Variants in KLHL33 observed in about 807,000 individuals in gnomAD.
The protein encoded by KLHL33 is kelch like family member 33.
Under a neutral mutation model 60.8 loss-of-function variants are expected in KLHL33, and 46 were observed. The observed-to-expected ratio is 0.76, with a 90% CI of 0.60 to 0.97. KLHL33 has a LOEUF of 0.97. KLHL33 is among the 50% of genes least tolerant of loss of function. The pLI is 0.00. For synonymous variants in KLHL33, 434 were observed against 432.2 expected, an observed-to-expected ratio of 1.00 and a Z score of -0.05; for missense variants, 1,055 against 1,000.0, an observed-to-expected ratio of 1.05 and a Z score of -0.74.
intron 2 of KLHL33, among the ~76,000 whole-genome samples, chr14:20,432,306 T>C (rs1880531908): frequency 6.6e-6 from 1 of 151,894 alleles, no homozygotes. Flanking sequence ...GTAGAGACGG[T>C]TTCGCCATGT....
At chr14:20,435,876 CA>C in intron 1 of KLHL33, 46 bp from the exon 2 acceptor site, 1 of 1,218,680 alleles carries the variant, frequency 8.2e-7, no homozygotes. Flanking sequence ...GAGCTGGGCC[CA>C]AAGAGGCCAG....
chr14:20,431,509 C>G (rs1880509501), intron 2 of KLHL33, among the ~76,000 whole-genome samples: 1 of 152,102 alleles, frequency 6.6e-6, no homozygotes, highest in African/African-American at 2.4e-5. Context: ...GGTAGGATCA[C>G]TTGAGGTCAG....
In KLHL33 at chr14:20,430,298, ATCACTATCCAGGAGC is replaced by A. The variant is rs1207247207; in HGVS notation, c.1155_1169del (p.Glu385_Ser389del). 6.5e-7 allele frequency: 1 copy of A among 1,549,306 alleles called. No individual in the cohort carries two copies. Among genetic ancestry groups the A allele is most frequent in the Non-Finnish European group, 8.7e-7 (1 of 1,144,768 alleles). On this transcript the variant is annotated inframe_deletion, in exon 3 of 5. Coordinates refer to ENST00000636854, the MANE Select transcript of KLHL33 (RefSeq NM_001365790.2). Reference sequence around the variant, plus strand: ...CAAACTCCTCCTGCACATGGAGCTCATCACTATCCAGGAGCTCAGCCAAGCAGGCAGCTGGTAAAG... The same window carrying A: ...CAAACTCCTCCTGCACATGGAGCTCATCAGCCAAGCAGGCAGCTGGTAAAG...
chr14:20,429,448 C>T (rs913562390), intron 4 of KLHL33, 47 bp from the exon 5 acceptor site: 1 of 1,549,976 alleles, frequency 6.5e-7, no homozygotes, highest in South Asian at 1.2e-5. Flanking sequence ...ATCTTCAACT[C>T]TCCTTCTATT....
chr14:20,435,638 C>T lies in KLHL33; in HGVS notation c.174G>A (p.Arg58=). Residue 58 remains arginine, a synonymous_variant, in exon 2 of 5, where the codon AGG becomes AGA. Coordinates refer to ENST00000636854, the MANE Select transcript of KLHL33 (RefSeq NM_001365790.2). The part of the protein sequence containing the change: ...PSFPLEEPGS[R]PLVPRNLPFP... Reference sequence around the variant, plus strand: ...AGGGAAGGTTCCTTGGGACCAGGGGCCTGGAACCAGGCTCCTCCAGAGGAA... The same window carrying T: ...AGGGAAGGTTCCTTGGGACCAGGGGTCTGGAACCAGGCTCCTCCAGAGGAA... 1.6e-6 allele frequency: 2 copies of T among 1,234,598 alleles called. No homozygotes were observed. Among genetic ancestry groups the T allele is most frequent in the Non-Finnish European group, 2.0e-6 (2 of 988,278 alleles). 76.5% of individuals were successfully genotyped at this position (1,234,598 alleles called of 1,614,324 possible). A position where few individuals can be genotyped will look rare whatever the true frequency, so the allele number is the denominator to read the frequency against.
intron 2 of KLHL33, among the ~76,000 whole-genome samples, chr14:20,431,466 C>T (rs1026372693): frequency 1.3e-5 from 2 of 149,292 alleles, no homozygotes; most frequent in African/African-American, 4.9e-5. Flanking sequence ...GTGGCACACA[C>T]CTGTAATCCC....
chr14:20,435,883 G>A (rs990847432), intron 1 of KLHL33, 53 bp from the exon 2 acceptor site: 14 of 1,200,590 alleles, frequency 1.2e-5, no homozygotes, highest in Middle Eastern at 3.1e-4. Context: ...GCCCAAAGAG[G>A]CCAGAGCAAC....
At position 20,430,498 on chromosome 14, in the gene KLHL33, C is replaced by G; in HGVS notation, c.970G>C (p.Asp324His). The part of the protein sequence containing the change: ...ALQYQSSSCL[D>H]LCQKGLARGL... The stretch of plus-strand genomic sequence containing the variant: ...CGTGCCAAGCCTTTCTGACACAAAT[C>G]CAAGCAGGAAGAGCTCTGGTACTGC... The change falls in exon 3 of 5, where the codon GAT (aspartate) becomes CAT (histidine). Residue 324 changes from aspartate to histidine, a missense_variant. Transcript: ENST00000636854. 1 of 1,549,898 alleles carries G rather than the reference C, an allele frequency of 6.5e-7. No homozygotes were observed. The highest frequency in any genetic ancestry group is 2.4e-5 in the East Asian group (1 of 40,920).
In KLHL33 at chr14:20,435,725, C is replaced by A; in HGVS notation, c.87G>T (p.Val29=). ...GCCAGGAAGGGGTTCTCTGGGCGTG[C>A]ACAAGGAGTCCAAGGCAGTCCCTCT... is the stretch of plus-strand genomic sequence containing the variant. ...PVQRDCLGLL[V]HAQRTPSWPP... is the part of the protein sequence containing the mutation. Residue 29 remains valine, a synonymous_variant, in exon 2 of 5, where the codon GTG becomes GTT. Coordinates refer to ENST00000636854, the MANE Select transcript of KLHL33 (RefSeq NM_001365790.2). 1 of 1,234,772 alleles carries A rather than the reference C, an allele frequency of 8.1e-7. No individual in the cohort carries two copies. 76.5% of individuals were successfully genotyped at this position (1,234,772 alleles called of 1,614,324 possible).
chr14:20,435,472 CCAG>C lies in KLHL33; in HGVS notation c.337_339del (p.Leu113del), dbSNP rs1880661305. The C allele has an allele frequency of 4.1e-6, 5 of 1,234,462 alleles. No homozygotes were observed. The highest frequency in any genetic ancestry group is 5.1e-6 in the Non-Finnish European group (5 of 988,300). The allele number at this position is 1,234,462 out of a possible 1,614,324, so 76.5% of individuals were successfully genotyped here. A position where few individuals can be genotyped will look rare whatever the true frequency, so the allele number is the denominator to read the frequency against. On this transcript the variant is annotated inframe_deletion, in exon 2 of 5. Coordinates refer to ENST00000636854, the MANE Select transcript of KLHL33 (RefSeq NM_001365790.2). Reference sequence around the variant, plus strand: ...CGCCCCGCGACTGACACCTCTTCGTCCAGCAACAGTCTCTGCTCCCGCAGCCGC... The same window carrying C: ...CGCCCCGCGACTGACACCTCTTCGTCCAACAGTCTCTGCTCCCGCAGCCGC...
Sources: allele counts gnomAD v4.1 joint callset (sites outside exome capture counted in the v4.1 genomes callset), GRCh38; gene constraint gnomAD v4.1.1; transcripts MANE v1.5; gene names NCBI Gene and HGNC (gene_info 2026-07-23, HGNC 2026-07-21).